Variants in ALKAL1 observed in about 807,000 individuals in gnomAD.
ALKAL1 encodes the protein AUG-beta.
A neutral mutation model predicts 13.5 loss-of-function variants in ALKAL1; 23 were observed. That is an observed-to-expected ratio of 1.70 (90% CI 1.23 to 2.41). The LOEUF is 2.41. Among genes scored for constraint, ALKAL1 ranks in the 30% most tolerant of loss-of-function variants. The pLI, the probability that ALKAL1 is intolerant of heterozygous loss-of-function variation, is 0.00. For missense variants in ALKAL1, 181 were observed against 178.4 expected (o/e 1.01, Z -0.08); for synonymous variants, 85 against 77.7 (o/e 1.09, Z -0.49).
intron 2 of ALKAL1, among the ~76,000 whole-genome samples, chr8:52,541,396 T>C (rs1196679151): frequency 1.3e-5 from 2 of 152,108 alleles, no homozygotes; most frequent in Non-Finnish European, 2.9e-5. Flanking sequence ...TTGAGCCTAT[T>C]TGTTCAAGGC....
intron 1 of ALKAL1, among the ~76,000 whole-genome samples, chr8:52,548,933 A>T (rs1847401111): frequency 6.6e-6 from 1 of 152,120 alleles, no homozygotes; most frequent in Non-Finnish European, 1.5e-5. Flanking sequence ...ATTCTTGTTT[A>T]AAAATGAGCC....
intron 1 of ALKAL1, among the ~76,000 whole-genome samples, chr8:52,563,427 G>A (rs1421174884): frequency 3.3e-5 from 5 of 152,200 alleles, no homozygotes; most frequent in African/African-American, 7.2e-5. Context: ...GCGAAACTCC[G>A]TCTCTAAATA....
Position 52,556,601 on chromosome 8 carries a change from C to G in ALKAL1, c.190+8466G>C, listed in dbSNP as rs545665591. On this transcript the variant is annotated intron_variant, in intron 1 of 4. Coordinates refer to ENST00000358543, the MANE Select transcript of ALKAL1 (RefSeq NM_207413.4). Reference sequence around the variant, plus strand: ...GGCGGAGCTTGCAGTGAGTCGAGATCGCGCCACTGCACTCCAGCCTGGGCG... The same window carrying G: ...GGCGGAGCTTGCAGTGAGTCGAGATGGCGCCACTGCACTCCAGCCTGGGCG... 8.9e-5 allele frequency among the ~76,000 whole-genome samples: 12 copies of G among 134,972 alleles called. No homozygotes were observed. The South Asian group carries it at 3.1e-3, about 35-fold the overall frequency. The allele number at this position is 134,972 out of a possible 152,430, so 88.5% of individuals were successfully genotyped here. A position where few individuals can be genotyped will look rare whatever the true frequency, so the allele number is the denominator to read the frequency against.
intron 1 of ALKAL1, among the ~76,000 whole-genome samples, chr8:52,545,546 C>T (rs2150344970): frequency 6.6e-6 from 1 of 151,524 alleles, no homozygotes; most frequent in African/African-American, 2.4e-5. Flanking sequence ...AACCCGTTTC[C>T]CCTCCCCCAT....
chr8:52,544,942 G>T (rs1563320912), intron 1 of ALKAL1, among the ~76,000 whole-genome samples: 1 of 152,006 alleles, frequency 6.6e-6, no homozygotes. Context: ...TTGAGACAGG[G>T]TCTTGCTCTG....
At chr8:52,537,403 C>T (rs1333223595) in intron 4 of ALKAL1, among the ~76,000 whole-genome samples, 2 of 152,120 alleles carry the variant, frequency 1.3e-5, no homozygotes, top group Non-Finnish European at 2.9e-5. Context: ...TTATGAACAA[C>T]AGTATGGAAG....
At chr8:52,561,470 C>A (rs967147598) in intron 1 of ALKAL1, among the ~76,000 whole-genome samples, 28 of 152,064 alleles carry the variant, frequency 1.8e-4, no homozygotes, top group African/African-American at 6.8e-4. Context: ...GGAGGAATAG[C>A]GTTAAGCACA....
At chr8:52,534,903 G>A (rs1847251315) in intron 4 of ALKAL1, among the ~76,000 whole-genome samples, 1 of 152,086 alleles carries the variant, frequency 6.6e-6, no homozygotes, top group South Asian at 2.1e-4. Context: ...TTAATCTGTA[G>A]TATTGATTGT....
intron 1 of ALKAL1, among the ~76,000 whole-genome samples, chr8:52,552,958 G>A (rs1312928234): frequency 2.0e-5 from 3 of 152,166 alleles, no homozygotes; most frequent in African/African-American, 4.8e-5. Context: ...CTAGCCCCTC[G>A]AAGCTGACAG....
At chr8:52,546,454 C>T (rs1254326239) in intron 1 of ALKAL1, among the ~76,000 whole-genome samples, 1 of 152,178 alleles carries the variant, frequency 6.6e-6, no homozygotes, top group African/African-American at 2.4e-5. Context: ...ACTCCAAAGC[C>T]TCCTATCAAC....
At chr8:52,546,842 A>G (rs1171330983) in intron 1 of ALKAL1, among the ~76,000 whole-genome samples, 1 of 152,134 alleles carries the variant, frequency 6.6e-6, no homozygotes, top group Non-Finnish European at 1.5e-5. Context: ...GAAAGTAAAG[A>G]TTGCCTTGCT....
At chr8:52,562,317 C>A (rs1307029141) in intron 1 of ALKAL1, among the ~76,000 whole-genome samples, 2 of 152,118 alleles carry the variant, frequency 1.3e-5, no homozygotes, top group African/African-American at 2.4e-5. Flanking sequence ...GACCCAGATT[C>A]GAGAGACATC....
At chr8:52,549,739 C>T (rs1020151676) in intron 1 of ALKAL1, among the ~76,000 whole-genome samples, 5 of 152,072 alleles carry the variant, frequency 3.3e-5, no homozygotes, top group Middle Eastern at 3.4e-3. Flanking sequence ...GTCAGGAGTT[C>T]GAGACCAGCC....
chr8:52,539,946 TAGGC>T, intron 2 of ALKAL1, 35 bp from the exon 3 acceptor site: 1 of 1,585,644 alleles, frequency 6.3e-7, no homozygotes, highest in Non-Finnish European at 8.6e-7. Context: ...ATTATAAACA[TAGGC>T]ATGTTTTCCA....
chr8:52,546,633 G>C (rs1847371989), intron 1 of ALKAL1, among the ~76,000 whole-genome samples: 2 of 152,126 alleles, frequency 1.3e-5, no homozygotes, highest in Admixed American at 1.3e-4. Context: ...GTTCTCCCTT[G>C]CACTTACCTA....
chr8:52,547,451 G>A (rs1026026266), intron 1 of ALKAL1, among the ~76,000 whole-genome samples: 1 of 152,164 alleles, frequency 6.6e-6, no homozygotes, highest in African/African-American at 2.4e-5. Flanking sequence ...AGTGAGCCAA[G>A]ATCGCACCAC....
intron 1 of ALKAL1, among the ~76,000 whole-genome samples, chr8:52,550,283 T>G (rs1013087219): frequency 2.6e-5 from 4 of 152,212 alleles, no homozygotes; most frequent in African/African-American, 9.7e-5. Context: ...TTTTGCTACG[T>G]TCTACAGACT....
rs1210688777 is a variant in ALKAL1, at chr8:52,545,525, C to G, written c.191-3080G>C. On this transcript the variant is annotated intron_variant, in intron 1 of 4. Coordinates refer to ENST00000358543, the MANE Select transcript of ALKAL1 (RefSeq NM_207413.4). ...CCCACCTCCCTCCCTGCACACACCC[C>G]TTTCCCCTCAAACCCGTTTCCCCTC... Among the ~76,000 whole-genome samples, 4 of 151,526 alleles carry G rather than the reference C, an allele frequency of 2.6e-5. No homozygotes were observed. In the South Asian group the frequency reaches 8.4e-4, roughly 32 times the overall value.
chr8:52,563,918 G>A (rs1847575295), intron 1 of ALKAL1, among the ~76,000 whole-genome samples: 1 of 152,260 alleles, frequency 6.6e-6, no homozygotes, highest in Admixed American at 6.5e-5. Flanking sequence ...AGACACTGCT[G>A]TCTGCTCCTC....
Sources: allele counts gnomAD v4.1 joint callset (sites outside exome capture counted in the v4.1 genomes callset), GRCh38; gene constraint gnomAD v4.1.1; transcripts MANE v1.5; gene names NCBI Gene and HGNC (gene_info 2026-07-23, HGNC 2026-07-21).